AKAP19: variants seen among roughly 807,000 people sequenced by gnomAD.
The protein encoded by AKAP19 is small A-kinase anchoring protein.
At chr2:189,952,894 C>T in the AKAP19 span, among the ~76,000 whole-genome samples, 1 of 152,098 alleles carries the variant, frequency 6.6e-6, no homozygotes, top group African/African-American at 2.4e-5. Flanking sequence ...CTTTCAGTTA[C>T]ACTCATTTAG....
At chr2:190,129,267 T>A in the AKAP19 span, among the ~76,000 whole-genome samples, 1 of 152,198 alleles carries the variant, frequency 6.6e-6, no homozygotes, top group Admixed American at 6.5e-5. Flanking sequence ...GTTGCAACCA[T>A]GAAAAGTTAT....
the AKAP19 span, among the ~76,000 whole-genome samples, chr2:189,973,414 A>G: frequency 2.0e-5 from 3 of 152,142 alleles, no homozygotes; most frequent in Non-Finnish European, 4.4e-5. Context: ...TTTTGCATCT[A>G]TGTTCATCAG....
At chr2:189,908,081 TC>T in the AKAP19 span, among the ~76,000 whole-genome samples, 1 of 152,126 alleles carries the variant, frequency 6.6e-6, no homozygotes. Flanking sequence ...ATCATTTCCT[TC>T]CTTCTGCTAA....
the AKAP19 span, among the ~76,000 whole-genome samples, chr2:189,981,288 T>G: frequency 6.6e-6 from 1 of 151,736 alleles, no homozygotes; most frequent in Non-Finnish European, 1.5e-5. Context: ...TTTTTTTTTT[T>G]TTTGCTGTTG....
chr2:189,981,791 C>A, the AKAP19 span, among the ~76,000 whole-genome samples: 3 of 152,082 alleles, frequency 2.0e-5, no homozygotes, highest in Non-Finnish European at 4.4e-5. Flanking sequence ...AAATTTTGGG[C>A]TGGCTTTTTT....
chr2:189,915,723 C>T, the AKAP19 span, among the ~76,000 whole-genome samples: 10 of 151,762 alleles, frequency 6.6e-5, no homozygotes, highest in East Asian at 9.6e-4. Flanking sequence ...GAGGTATTGC[C>T]GGGGGAAATT....
the AKAP19 span, among the ~76,000 whole-genome samples, chr2:190,188,482 A>G: frequency 3.3e-5 from 5 of 152,360 alleles, no homozygotes; most frequent in East Asian, 9.6e-4. Flanking sequence ...ACAAATGAAT[A>G]ACAGACTAAA....
chr2:190,170,969 C>G, the AKAP19 span, among the ~76,000 whole-genome samples: 3 of 152,110 alleles, frequency 2.0e-5, no homozygotes, highest in Admixed American at 2.0e-4. Context: ...CTGAGCTAAC[C>G]ACTCTCTTGG....
the AKAP19 span, among the ~76,000 whole-genome samples, chr2:189,961,693 A>G: frequency 6.6e-6 from 1 of 152,000 alleles, no homozygotes; most frequent in Non-Finnish European, 1.5e-5. Flanking sequence ...TGGGTGGATC[A>G]TGAGGTAAGG....
chr2:190,141,645 C>A, the AKAP19 span, among the ~76,000 whole-genome samples: 1 of 152,208 alleles, frequency 6.6e-6, no homozygotes, highest in African/African-American at 2.4e-5. Context: ...ATTCAGTTAC[C>A]TCCCACAAGG....
the AKAP19 span, among the ~76,000 whole-genome samples, chr2:189,955,019 T>C: frequency 6.6e-6 from 1 of 152,202 alleles, no homozygotes; most frequent in Non-Finnish European, 1.5e-5. Flanking sequence ...TAGTGGTGAA[T>C]GCTGGGCTTT....
At chr2:190,115,274 TATATATATATATATATATATA>T in the AKAP19 span, among the ~76,000 whole-genome samples, 1 of 3,876 alleles carries the variant, frequency 2.6e-4, no homozygotes, top group Non-Finnish European at 6.2e-4. Flanking sequence ...TATATATATA[TATATATATATATATATATATA>T]TATATATTTT....
chr2:190,107,209 T>G, the AKAP19 span, among the ~76,000 whole-genome samples: 1 of 152,232 alleles, frequency 6.6e-6, no homozygotes, highest in Non-Finnish European at 1.5e-5. Context: ...ACCTGAGTTC[T>G]GATTCTGACA....
chr2:190,103,448 T>C, the AKAP19 span, among the ~76,000 whole-genome samples: 1 of 152,252 alleles, frequency 6.6e-6, no homozygotes, highest in Non-Finnish European at 1.5e-5. Flanking sequence ...TCCCAAAGAC[T>C]CTGCCAAAAG....
At chr2:190,200,334 C>CTGT in the AKAP19 span, 2 of 587,204 alleles carry the variant, frequency 3.4e-6, no homozygotes, top group Admixed American at 6.1e-5. Context: ...ACAGCAATTT[C>CTGT]TGTTTAGTCT....
At chr2:190,071,510 C>A in the AKAP19 span, among the ~76,000 whole-genome samples, 12 of 152,238 alleles carry the variant, frequency 7.9e-5, no homozygotes, top group East Asian at 2.3e-3. Context: ...TGCAGCCTAC[C>A]TATGCAGTAG....
the AKAP19 span, among the ~76,000 whole-genome samples, chr2:190,135,599 T>A: frequency 9.9e-6 from 1 of 100,588 alleles, no homozygotes; most frequent in African/African-American, 3.7e-5. Context: ...CTGAAACCAG[T>A]GTTGTCTTGA....
chr2:189,943,708 G>C, the AKAP19 span, among the ~76,000 whole-genome samples: 1 of 152,242 alleles, frequency 6.6e-6, no homozygotes, highest in Admixed American at 6.5e-5. Context: ...GCTGAACCCT[G>C]CAAAGCCACA....
chr2:189,890,128 T>C, the AKAP19 span, among the ~76,000 whole-genome samples: 5 of 152,220 alleles, frequency 3.3e-5, no homozygotes, highest in African/African-American at 7.2e-5. Flanking sequence ...CTTTGTGTCT[T>C]TGTTCTCATT....
Sources: allele counts gnomAD v4.1 joint callset (sites outside exome capture counted in the v4.1 genomes callset), GRCh38; gene constraint gnomAD v4.1.1; transcripts MANE v1.5; gene names NCBI Gene and HGNC (gene_info 2026-07-23, HGNC 2026-07-21).